CD96: variants seen among roughly 807,000 people sequenced by gnomAD.
The protein encoded by CD96 is CD96 molecule.
CD96 carries 70 observed loss-of-function variants against 71.3 expected under a neutral mutation model. The ratio of observed to expected loss-of-function variants is 0.98; its 90% CI spans 0.81 to 1.20. The LOEUF (loss-of-function observed/expected upper bound fraction) is 1.20. CD96 is among the 50% of genes most tolerant of loss of function. The probability of loss-of-function intolerance (pLI) is 0.00; values close to 1 mark genes in which losing one functional copy is unlikely to be tolerated. For missense variants in CD96, 742 were observed against 677.5 expected, an observed-to-expected ratio of 1.10 and a Z score of -1.06; for synonymous variants, 248 against 233.0, an observed-to-expected ratio of 1.06 and a Z score of -0.59.
rs576669078 is a variant in CD96, at chr3:111,594,264, C to A, written c.808-3856C>A. The A allele has an allele frequency of 5.3e-6, 8 of 1,499,840 alleles. No homozygotes were observed. In the South Asian group the frequency reaches 1.1e-4, roughly 20 times the overall value. The allele number at this position is 1,499,840 out of a possible 1,614,324, so 92.9% of individuals were successfully genotyped here. On this transcript the variant is annotated intron_variant, in intron 5 of 13. Coordinates refer to ENST00000352690, the MANE Select transcript of CD96 (RefSeq NM_005816.5). ...ATGTGAGCCAAAAGCTTATTTGAAC[C>A]ACAAGATTAAATATATATTTGGGAA...
At chr3:111,577,092 A>AT (rs1205758313) in intron 3 of CD96, among the ~76,000 whole-genome samples, 1 of 152,168 alleles carries the variant, frequency 6.6e-6, no homozygotes, top group Non-Finnish European at 1.5e-5. Flanking sequence ...AAGGTTTTGT[A>AT]TTTTTTCTCT....
intron 2 of CD96, among the ~76,000 whole-genome samples, chr3:111,556,528 G>T (rs1277529595): frequency 2.3e-5 from 3 of 130,694 alleles, no homozygotes; most frequent in South Asian, 2.7e-4. Flanking sequence ...TACAAAGGAC[G>T]TGAACTCATC....
chr3:111,574,697 G>C (rs1221496896), intron 3 of CD96, among the ~76,000 whole-genome samples: 2 of 151,730 alleles, frequency 1.3e-5, no homozygotes, highest in African/African-American at 4.8e-5. Flanking sequence ...TTTCATATTT[G>C]TTTGTGTGTA....
At chr3:111,598,092 A>T in intron 5 of CD96, 28 bp from the exon 6 acceptor site, 1 of 1,001,982 alleles carries the variant, frequency 1.0e-6, no homozygotes. Flanking sequence ...GGAATTTGCA[A>T]ATAATCCTTT....
At chr3:111,619,305 A>G (rs1176168903) in intron 8 of CD96, among the ~76,000 whole-genome samples, 3 of 152,228 alleles carry the variant, frequency 2.0e-5, no homozygotes, top group Admixed American at 6.5e-5. Context: ...GAGTTAAAAT[A>G]GAAATGAGCC....
intron 8 of CD96, among the ~76,000 whole-genome samples, chr3:111,617,962 TC>T (rs1938327856): frequency 6.6e-6 from 1 of 152,194 alleles, no homozygotes; most frequent in South Asian, 2.1e-4. Flanking sequence ...GCCACAGTGT[TC>T]CCCTTGTCCA....
chr3:111,549,168 C>T (rs1934566860), intron 2 of CD96, among the ~76,000 whole-genome samples: 2 of 151,872 alleles, frequency 1.3e-5, no homozygotes, highest in South Asian at 2.1e-4. Context: ...CCCTCTCTTC[C>T]CCTCCCCTCC....
At chr3:111,590,079 T>C (rs572971495) in intron 5 of CD96, among the ~76,000 whole-genome samples, 19 of 152,342 alleles carry the variant, frequency 1.2e-4, no homozygotes, top group Non-Finnish European at 2.4e-4. Context: ...ATAAATCAGC[T>C]ATGTGACTGA....
At chr3:111,657,497 G>T (rs1272619929) in intron 14 of CD96, among the ~76,000 whole-genome samples, 1 of 151,886 alleles carries the variant, frequency 6.6e-6, no homozygotes, top group Non-Finnish European at 1.5e-5. Context: ...CTCGTGTAGG[G>T]TGGGGTGGGG....
chr3:111,625,270 GC>G (rs542471048), intron 10 of CD96, among the ~76,000 whole-genome samples: 2 of 152,174 alleles, frequency 1.3e-5, no homozygotes, highest in East Asian at 3.9e-4. Flanking sequence ...CTTTTTGATG[GC>G]CCTCAGGCTC....
chr3:111,584,650 TC>T (rs1936621500), intron 4 of CD96, among the ~76,000 whole-genome samples: 1 of 152,068 alleles, frequency 6.6e-6, no homozygotes, highest in Admixed American at 6.5e-5. Flanking sequence ...AAGGCGGGAA[TC>T]CCTGATAGAC....
chr3:111,544,927 C>G, intron 1 of CD96, 119 bp from the exon 2 acceptor site: 3 of 815,594 alleles, frequency 3.7e-6, no homozygotes, highest in Non-Finnish European at 6.4e-6. Flanking sequence ...ATTCCTAAAG[C>G]AGCCAGGGAG....
At chr3:111,632,268 T>G (rs1233515030) in intron 10 of CD96, among the ~76,000 whole-genome samples, 3 of 151,944 alleles carry the variant, frequency 2.0e-5, no homozygotes, top group African/African-American at 7.3e-5. Context: ...TTAAACTAAT[T>G]TACAAGCAAA....
intron 5 of CD96, chr3:111,594,341 A>G: frequency 9.6e-7 from 1 of 1,046,402 alleles, no homozygotes; most frequent in Non-Finnish European, 1.4e-6. Context: ...GTCTGGCCAC[A>G]CCTGGGTGGT....
chr3:111,570,913 T>G (rs944165422), intron 3 of CD96: 10 of 1,586,518 alleles, frequency 6.3e-6, no homozygotes, highest in Non-Finnish European at 7.8e-6. Context: ...TCCTGCTCAG[T>G]GCATGAGGCG....
intron 10 of CD96, among the ~76,000 whole-genome samples, chr3:111,628,777 A>C (rs1354906949): frequency 6.6e-6 from 1 of 152,220 alleles, no homozygotes; most frequent in Admixed American, 6.5e-5. Flanking sequence ...AGGCCAGGTC[A>C]CCTACAAAGG....
At chr3:111,637,046 A>T (rs1939362540) in intron 10 of CD96, 150 bp from the exon 11 acceptor site, 1 of 667,354 alleles carries the variant, frequency 1.5e-6, no homozygotes. Flanking sequence ...TTGTTTGAGG[A>T]CATTCTTGTG....
chr3:111,566,066 A>G (rs1052714575), intron 2 of CD96, among the ~76,000 whole-genome samples: 2 of 149,868 alleles, frequency 1.3e-5, no homozygotes, highest in Non-Finnish European at 3.0e-5. Context: ...TTGGTGCTTT[A>G]ATCTTCAGTT....
At chr3:111,621,725 C>T (rs931757642) in intron 8 of CD96, among the ~76,000 whole-genome samples, 2 of 152,130 alleles carry the variant, frequency 1.3e-5, no homozygotes, top group South Asian at 4.1e-4. Flanking sequence ...CTCTAGAGGG[C>T]GTGGTGGAGC....
Sources: gnomAD v4.1 joint callset for allele counts (sites outside exome capture counted in the v4.1 genomes callset) on GRCh38, gnomAD v4.1.1 for gene constraint, MANE v1.5 for transcripts, NCBI Gene and HGNC (gene_info 2026-07-23, HGNC 2026-07-21) for gene names.